SAMMSON: variants seen among roughly 807,000 people sequenced by gnomAD.
SAMMSON encodes long intergenic non-protein coding RNA 1212.
chr3:70,408,493 T>G (rs1701193769), intron 2 of SAMMSON, among the ~76,000 whole-genome samples: 3 of 152,176 alleles, frequency 2.0e-5, no homozygotes, highest in Admixed American at 2.0e-4. Flanking sequence ...CTCTCTCAAG[T>G]TCAGAGTTCC....
intron 6 of SAMMSON, among the ~76,000 whole-genome samples, chr3:70,279,405 G>A (rs778149818): frequency 1.2e-4 from 19 of 152,124 alleles, no homozygotes; most frequent in African/African-American, 2.4e-4. Context: ...TATCACACTC[G>A]TCAGAAAGAC....
At chr3:70,388,046 C>A (rs80269880) in intron 9 of SAMMSON, among the ~76,000 whole-genome samples, 3 of 152,028 alleles carry the variant, frequency 2.0e-5, no homozygotes, top group Non-Finnish European at 2.9e-5. Context: ...ATGTGATGAA[C>A]GCTTTTTTGA....
intron 3 of SAMMSON, among the ~76,000 whole-genome samples, chr3:70,041,108 G>A (rs753069315): frequency 6.6e-6 from 1 of 152,028 alleles, no homozygotes; most frequent in Non-Finnish European, 1.5e-5. Flanking sequence ...TATTTGCATG[G>A]GGCTTCTTCT....
chr3:70,258,078 A>C (rs945015628), intron 6 of SAMMSON, among the ~76,000 whole-genome samples: 4 of 152,214 alleles, frequency 2.6e-5, no homozygotes. Flanking sequence ...CTGGATATTC[A>C]TAAGGAAAAG....
At chr3:70,262,047 A>T (rs1489833898) in intron 6 of SAMMSON, among the ~76,000 whole-genome samples, 1 of 152,140 alleles carries the variant, frequency 6.6e-6, no homozygotes, top group Admixed American at 6.5e-5. Flanking sequence ...GCCATTCCTC[A>T]TGTGTCCTTG....
chr3:70,355,202 A>G (rs999321885), intron 8 of SAMMSON, among the ~76,000 whole-genome samples: 1 of 152,130 alleles, frequency 6.6e-6, no homozygotes, highest in African/African-American at 2.4e-5. Flanking sequence ...TCTGGTTGAG[A>G]ATACAGCATC....
intron 3 of SAMMSON, chr3:70,014,135 C>A (rs189812778): frequency 6.6e-6 from 1 of 152,204 alleles, no homozygotes; most frequent in Admixed American, 6.5e-5. Flanking sequence ...GGTCTTTACT[C>A]CAGGCTTAAG....
intron 6 of SAMMSON, among the ~76,000 whole-genome samples, chr3:70,270,747 A>G (rs1482963772): frequency 1.3e-5 from 2 of 152,198 alleles, no homozygotes; most frequent in African/African-American, 4.8e-5. Flanking sequence ...GACACGGTTG[A>G]AGCTGGAAAC....
intron 3 of SAMMSON, among the ~76,000 whole-genome samples, chr3:70,053,239 G>T (rs956696171): frequency 6.6e-6 from 1 of 152,150 alleles, no homozygotes; most frequent in African/African-American, 2.4e-5. Flanking sequence ...AATAGCAGAA[G>T]TTGCACTAGA....
At chr3:70,235,276 AT>A (rs551234429) in intron 4 of SAMMSON, among the ~76,000 whole-genome samples, 65 of 152,130 alleles carry the variant, frequency 4.3e-4, no homozygotes, top group Non-Finnish European at 5.4e-4. Context: ...CTCCCTCTGG[AT>A]GCATTCTTAG....
At position 70,244,954 on chromosome 3, in the gene SAMMSON, A is replaced by G. The variant is rs542534977; in HGVS notation, n.508-4153A>G. ...TTCTGAATATTCCCCCAAATTATAT[A>G]TATAAAAATCATACTACTTATCTGG... is the stretch of plus-strand genomic sequence containing the variant. On this transcript the variant is annotated intron_variant and non_coding_transcript_variant, in intron 4 of 9. Coordinates refer to ENST00000642114, the Ensembl canonical transcript of SAMMSON. 7.2e-5 allele frequency among the ~76,000 whole-genome samples: 11 copies of G among 152,298 alleles called. No homozygotes were observed. The East Asian group carries it at 1.7e-3, about 24-fold the overall frequency.
chr3:70,370,593 A>G (rs1031828706), intron 9 of SAMMSON, among the ~76,000 whole-genome samples: 5 of 151,902 alleles, frequency 3.3e-5, no homozygotes, highest in Non-Finnish European at 7.4e-5. Flanking sequence ...TCTGTTGGCC[A>G]TTTGTATATC....
intron 4 of SAMMSON, among the ~76,000 whole-genome samples, chr3:70,156,866 C>G (rs1200297247): frequency 6.6e-6 from 1 of 152,030 alleles, no homozygotes; most frequent in Non-Finnish European, 1.5e-5. Flanking sequence ...CAACTGTAGT[C>G]CATGGCTTCA....
chr3:70,175,436 G>A (rs202240480), intron 4 of SAMMSON, among the ~76,000 whole-genome samples: 2 of 152,020 alleles, frequency 1.3e-5, no homozygotes, highest in East Asian at 3.9e-4. Context: ...TGAGTCTCAT[G>A]AATCACTTGA....
At position 70,079,134 on chromosome 3, in the gene SAMMSON, A is replaced by G. The variant is rs181122707; in HGVS notation, n.507+7569A>G. Among the ~76,000 whole-genome samples, 27 of 152,294 alleles carry G rather than the reference A, an allele frequency of 1.8e-4. No individual in the cohort carries two copies. The East Asian group carries it at 5.2e-3, about 29-fold the overall frequency. The stretch of plus-strand genomic sequence containing the variant: ...AAAAGTTTGCAGATTCATGCTCTAT[A>G]TGCTACTGTGGATATGCCTAAATGT... On this transcript the variant is annotated intron_variant and non_coding_transcript_variant, in intron 4 of 9. Coordinates refer to ENST00000642114, the Ensembl canonical transcript of SAMMSON.
intron 9 of SAMMSON, among the ~76,000 whole-genome samples, chr3:70,388,276 A>T (rs1169766074): frequency 6.6e-6 from 1 of 152,128 alleles, no homozygotes; most frequent in Admixed American, 6.6e-5. Flanking sequence ...TGGTCTATGT[A>T]TTATCTATGT....
intron 6 of SAMMSON, among the ~76,000 whole-genome samples, chr3:70,261,685 G>C (rs1407143333): frequency 6.6e-6 from 1 of 152,104 alleles, no homozygotes. Flanking sequence ...GTTGAAAACA[G>C]AATGCCAAGT....
intron 4 of SAMMSON, among the ~76,000 whole-genome samples, chr3:70,180,300 A>G (rs1701042490): frequency 6.6e-6 from 1 of 152,110 alleles, no homozygotes; most frequent in African/African-American, 2.4e-5. Flanking sequence ...TGCTTTGGCC[A>G]ATGTCTAACA....
At chr3:70,240,674 A>C (rs1020544008) in intron 4 of SAMMSON, among the ~76,000 whole-genome samples, 6 of 152,150 alleles carry the variant, frequency 3.9e-5, no homozygotes, top group Non-Finnish European at 7.4e-5. Context: ...ATTGCTGACT[A>C]TAGTACCAAT....
Sources: gnomAD v4.1 joint callset for allele counts (sites outside exome capture counted in the v4.1 genomes callset) on GRCh38, gnomAD v4.1.1 for gene constraint, MANE v1.5 for transcripts, NCBI Gene and HGNC (gene_info 2026-07-23, HGNC 2026-07-21) for gene names.